The following USP50 variants were observed in gnomAD, a reference collection of about 807,000 sequenced individuals.
The protein encoded by USP50 is ubiquitin carboxyl-terminal hydrolase 50.
A neutral mutation model predicts 39.2 loss-of-function variants in USP50; 37 were observed. The observed-to-expected ratio is 0.94, with a 90% CI of 0.73 to 1.24. The LOEUF is 1.24. USP50 is among the 50% of genes most tolerant of loss of function. The probability of loss-of-function intolerance (pLI) is 0.00; values close to 1 mark genes in which losing one functional copy is unlikely to be tolerated. For synonymous variants in USP50, 139 were observed against 144.5 expected (o/e 0.96, Z 0.27); for missense variants, 374 against 398.2 (o/e 0.94, Z 0.52).
chr15:50,543,236 C>G (rs2053043951), intron 3 of USP50, among the ~76,000 whole-genome samples: 1 of 152,140 alleles, frequency 6.6e-6, no homozygotes, highest in African/African-American at 2.4e-5. Flanking sequence ...ATATTTTGCA[C>G]TTTTAAAAAC....
chr15:50,498,478 C>T, downstream of USP50: 3 of 1,341,722 alleles, frequency 2.2e-6, no homozygotes, highest in South Asian at 3.7e-5. Context: ...ACTAAAATTC[C>T]AAGTCTTTGT....
At chr15:50,519,159 C>A (rs769675116) in intron 6 of USP50, among the ~76,000 whole-genome samples, 2 of 152,022 alleles carry the variant, frequency 1.3e-5, no homozygotes, top group Non-Finnish European at 2.9e-5. Flanking sequence ...TGGTGGCACA[C>A]CCCTGTAGTC....
chr15:50,513,628 C>A (rs934691525), intron 6 of USP50: 3 of 150,922 alleles, frequency 2.0e-5, no homozygotes, highest in East Asian at 1.9e-4. Context: ...AGGCAGGCCA[C>A]AGAATAGGAA....
At chr15:50,530,082 A>G (rs2052928596) in intron 5 of USP50, among the ~76,000 whole-genome samples, 153 bp from the exon 6 acceptor site, 1 of 152,110 alleles carries the variant, frequency 6.6e-6, no homozygotes, top group African/African-American at 2.4e-5. Context: ...CAAGGTGGAC[A>G]TATCCCTTGA....
In USP50 at chr15:50,500,812, C is replaced by G. The variant is rs75814199; in HGVS notation, c.962G>C (p.Gly321Ala). The G allele has an allele frequency of 1.3e-3, 2,000 of 1,587,720 alleles. 27 individuals carry two copies. The African/African-American group carries it at 0.024, about 19-fold the overall frequency. The change falls in exon 7 of 7, where the codon GGC becomes GCC. Residue 321 changes from glycine to alanine, a missense_variant. Coordinates refer to ENST00000532404, the MANE Select transcript of USP50 (RefSeq NM_203494.5). Reference sequence around the variant, plus strand: ...ATTCTTGCAGAAAGCAGTGTAGTGGCCACCATCCAAATCACCAAAATGGTT... The same window carrying G: ...ATTCTTGCAGAAAGCAGTGTAGTGGGCACCATCCAAATCACCAAAATGGTT... ...VVNHFGDLDG[G>A]HYTAFCKNSV...
At chr15:50,530,454 G>A (rs1191504172) in intron 5 of USP50, among the ~76,000 whole-genome samples, 2 of 151,432 alleles carry the variant, frequency 1.3e-5, no homozygotes, top group Non-Finnish European at 2.9e-5. Flanking sequence ...CATGGTAGTG[G>A]ATGCCTGTAA....
chr15:50,520,762 A>C (rs1386166829), intron 6 of USP50, among the ~76,000 whole-genome samples: 3 of 152,174 alleles, frequency 2.0e-5, no homozygotes, highest in Non-Finnish European at 4.4e-5. Flanking sequence ...TCTCACTCAT[A>C]TGTGAGGCCT....
chr15:50,507,812 T>C lies in USP50; in HGVS notation c.937-6975A>G, dbSNP rs190952699. 1,481 of 152,310 alleles carry C rather than the reference T, an allele frequency of 9.7e-3. 16 individuals carry two copies. Among genetic ancestry groups the C allele is most frequent in the Non-Finnish European group, 0.015 (1,008 of 68,054 alleles). The allele number at this position is 152,310 out of a possible 1,614,324, so 9.4% of individuals were successfully genotyped here. On this transcript the variant is annotated intron_variant, in intron 6 of 6. Transcript: ENST00000532404. ...TAGGCCAGGCACGGTGGCTCATGCC[T>C]GTAATCCCAGCACTTTGGGAGGCCA...
In USP50 at chr15:50,538,808, T is replaced by A; in HGVS notation, c.704A>T (p.Asn235Ile). 6.2e-7 allele frequency: 1 copy of A among 1,613,640 alleles called. No homozygotes were observed. The highest frequency in any genetic ancestry group is 8.5e-7 in the Non-Finnish European group (1 of 1,179,702). ...ACAAAAGGAGCAGTGAATTTCGTTG[T>A]TCCAGGTCAGTGCGTCTTGTTGAAA... is the stretch of plus-strand genomic sequence containing the variant. ...CFFQQDALTWNNEIHCSFCET... is the reference protein window; with the variant it reads ...CFFQQDALTWINEIHCSFCET... The change falls in exon 5 of 7, where the codon AAC (asparagine) becomes ATC (isoleucine). Residue 235 changes from asparagine to isoleucine, a missense_variant. Physicochemically the swap from Asn to Ile is moderately radical, Grantham distance 149. Transcript: ENST00000532404.
At chr15:50,498,636 T>A (rs770957779), downstream of USP50, 21 of 1,612,644 alleles carry the variant, frequency 1.3e-5, no homozygotes, top group East Asian at 4.5e-4. Flanking sequence ...ATTACAGACA[T>A]CTGTGGACTT....
intron 6 of USP50, among the ~76,000 whole-genome samples, chr15:50,521,166 C>A (rs545543106): frequency 1.3e-5 from 2 of 152,158 alleles, no homozygotes; most frequent in East Asian, 1.9e-4. Flanking sequence ...CTCAGCCTCC[C>A]GAGTAGCTGG....
At chr15:50,515,391 G>A (rs1440631880) in intron 6 of USP50, among the ~76,000 whole-genome samples, 2 of 152,032 alleles carry the variant, frequency 1.3e-5, no homozygotes, top group African/African-American at 4.8e-5. Flanking sequence ...ATGGGCATGT[G>A]CCACCACGCC....
In USP50 at chr15:50,544,276, C is replaced by T. The variant is rs566953060; in HGVS notation, c.248+311G>A. ...ACTCAGGAGGCTGAGGCAGGAGGGT[C>T]ACTTGAACCCGAGGAACAGAGGTTG... On this transcript the variant is annotated intron_variant, in intron 2 of 6. Transcript: ENST00000532404. 3.4e-4 allele frequency among the ~76,000 whole-genome samples: 51 copies of T among 151,960 alleles called. 1 individual carries two copies. The highest frequency in any genetic ancestry group is 2.7e-3 in the Admixed American group (41 of 15,250).
chr15:50,495,704 TGCCACACTCA>T, downstream of USP50: 1 of 606,482 alleles, frequency 1.6e-6, no homozygotes, highest in African/African-American at 1.9e-5. Flanking sequence ...AATTATTTTT[TGCCACACTCA>T]GTGAGATCAG....
intron 6 of USP50, chr15:50,514,409 TA>T (rs2052781181): frequency 1.3e-5 from 2 of 152,184 alleles, no homozygotes; most frequent in Non-Finnish European, 2.9e-5. Flanking sequence ...CAATAAAGTT[TA>T]TTTTTGGTCA....
At chr15:50,518,366 AC>A (rs56407260) in intron 6 of USP50, among the ~76,000 whole-genome samples, 28,034 of 151,360 alleles carry the variant, frequency 0.19, 3,341 homozygotes, top group East Asian at 0.47. Context: ...GGCTACAGGC[AC>A]CCACCACCAC....
At chr15:50,514,534 A>C (rs2052782958) in intron 6 of USP50, 1 of 152,034 alleles carries the variant, frequency 6.6e-6, no homozygotes, top group Non-Finnish European at 1.5e-5. Flanking sequence ...CCTTCTCTAC[A>C]ATTTTTTTTC....
downstream of USP50, chr15:50,497,089 G>A: frequency 6.3e-7 from 1 of 1,586,338 alleles, no homozygotes; most frequent in Non-Finnish European, 8.5e-7. Context: ...TTTCTGCCAG[G>A]ATTGCCTTAG....
At chr15:50,507,914 C>T in intron 6 of USP50, 1 of 151,492 alleles carries the variant, frequency 6.6e-6, no homozygotes, top group Non-Finnish European at 1.5e-5. Context: ...ACTAAAAATA[C>T]AAAAAATTAG....
Sources: allele counts gnomAD v4.1 joint callset (sites outside exome capture counted in the v4.1 genomes callset), GRCh38; gene constraint gnomAD v4.1.1; transcripts MANE v1.5; gene names NCBI Gene and HGNC (gene_info 2026-07-23, HGNC 2026-07-21).